Variants in PIK3C2G observed in about 807,000 individuals in gnomAD.
PIK3C2G encodes the protein phosphatidylinositol-4-phosphate 3-kinase catalytic subunit type 2 gamma, also known as phosphatidylinositol 3-kinase C2 domain-containing subunit gamma.
In PIK3C2G, 168 loss-of-function variants were observed where a neutral mutation model predicts 181.1. That is an observed-to-expected ratio of 0.93 (90% CI 0.82 to 1.05). The LOEUF (loss-of-function observed/expected upper bound fraction) is 1.05, where lower values mean the gene tolerates loss of function less well. Ranked by LOEUF, PIK3C2G falls within the 50% of genes least tolerant of loss-of-function variation. The pLI is 0.00. For synonymous variants in PIK3C2G, 573 were observed against 592.2 expected, an observed-to-expected ratio of 0.97 and a Z score of 0.47; for missense variants, 1,869 against 1,732.8, an observed-to-expected ratio of 1.08 and a Z score of -1.40.
chr12:18,265,009 T>A (rs1948421759), intron 1 of PIK3C2G, among the ~76,000 whole-genome samples: 1 of 152,248 alleles, frequency 6.6e-6, no homozygotes. Flanking sequence ...GTCTTCATGA[T>A]AACATTCTCT....
Position 18,362,825 on chromosome 12 carries a change from A to T in PIK3C2G, c.1687A>T (p.Arg563Ter). ...TYAGKKLCQV[R>*]NYRNIPDKKL... is the part of the protein sequence containing the mutation. Reference sequence around the variant, plus strand: ...TGCTGGAAAGAAGCTGTGCCAAGTGAGAAACTACAGAAATATTCCAGACAA... The same window carrying T: ...TGCTGGAAAGAAGCTGTGCCAAGTGTGAAACTACAGAAATATTCCAGACAA... The change falls in exon 12 of 33, where the codon AGA (arginine) becomes TGA (stop). Residue 563 changes from arginine to a stop codon, truncating the protein, a stop_gained. Coordinates refer to ENST00000538779, the MANE Select transcript of PIK3C2G (RefSeq NM_001288772.2). LOFTEE classifies it high-confidence loss of function. The T allele has an allele frequency of 6.6e-7, 1 of 1,521,282 alleles. No homozygotes were observed. The highest frequency in any genetic ancestry group is 8.8e-7 in the Non-Finnish European group (1 of 1,138,348). 94.2% of individuals were successfully genotyped at this position (1,521,282 alleles called of 1,614,324 possible). A position where few individuals can be genotyped will look rare whatever the true frequency, so the allele number is the denominator to read the frequency against.
At chr12:18,243,225 T>C (rs1270610174), upstream of PIK3C2G, among the ~76,000 whole-genome samples, 3 of 150,880 alleles carry the variant, frequency 2.0e-5, no homozygotes, top group Non-Finnish European at 3.0e-5. Context: ...TGTGTGTGTG[T>C]ATTTTAATTT....
chr12:18,636,007 T>A (rs1432258487), intron 31 of PIK3C2G, among the ~76,000 whole-genome samples: 1 of 152,166 alleles, frequency 6.6e-6, no homozygotes, highest in Non-Finnish European at 1.5e-5. Context: ...CCTTTGAAGT[T>A]TAGTCAGCTT....
At chr12:18,553,648 G>A (rs1038047999) in intron 26 of PIK3C2G, among the ~76,000 whole-genome samples, 1 of 151,978 alleles carries the variant, frequency 6.6e-6, no homozygotes, top group Non-Finnish European at 1.5e-5. Flanking sequence ...TATCTAAACT[G>A]TAAAGCAGGA....
chr12:18,485,055 G>A (rs1254549210), intron 18 of PIK3C2G, among the ~76,000 whole-genome samples: 2 of 152,158 alleles, frequency 1.3e-5, no homozygotes, highest in African/African-American at 4.8e-5. Context: ...GTTACTGGAT[G>A]TTGTTTCCTC....
chr12:18,605,133 A>G (rs374478728), intron 30 of PIK3C2G, among the ~76,000 whole-genome samples: 1 of 152,152 alleles, frequency 6.6e-6, no homozygotes, highest in African/African-American at 2.4e-5. Context: ...AAATTGATAG[A>G]CCATTAGCAA....
rs988577252 is a variant in PIK3C2G at position 18,371,526 on chromosome 12, G to T, written c.1880+215G>T. Reference sequence around the variant, plus strand: ...GGACTCATGCTGAACTTGTCAGCTGGATCATTTATAATGAAAAGGTATTGG... The same window carrying T: ...GGACTCATGCTGAACTTGTCAGCTGTATCATTTATAATGAAAAGGTATTGG... On this transcript the variant is annotated intron_variant, in intron 13 of 32. Coordinates refer to ENST00000538779, the MANE Select transcript of PIK3C2G (RefSeq NM_001288772.2). Among the ~76,000 whole-genome samples, 5 of 152,224 alleles carry T rather than the reference G, an allele frequency of 3.3e-5. No individual in the cohort carries two copies. In the East Asian group the frequency reaches 9.6e-4, roughly 29 times the overall value.
intron 18 of PIK3C2G, among the ~76,000 whole-genome samples, chr12:18,429,944 T>C (rs576290661): frequency 1.3e-5 from 2 of 152,294 alleles, no homozygotes; most frequent in South Asian, 4.1e-4. Context: ...GGAAAATCTC[T>C]AAGATATAAT....
chr12:18,342,331 T>C (rs1939218467), intron 9 of PIK3C2G, among the ~76,000 whole-genome samples: 1 of 152,066 alleles, frequency 6.6e-6, no homozygotes, highest in Admixed American at 6.6e-5. Flanking sequence ...AAGTTGCATA[T>C]AAATGTAATG....
In PIK3C2G at chr12:18,282,733, G is replaced by C. The variant is rs747730521; in HGVS notation, c.652G>C (p.Glu218Gln). The change falls in exon 2 of 33, where the codon GAA becomes CAA. Residue 218 changes from glutamate to glutamine, a missense_variant. Glu to Gln is a conservative substitution (Grantham distance 29). Coordinates refer to ENST00000538779, the MANE Select transcript of PIK3C2G (RefSeq NM_001288772.2). Reference protein sequence around the residue: ...LKGSLQPGMWESTWQKNIESI... With the variant: ...LKGSLQPGMWQSTWQKNIESI... ...AGGCTCTCTTCAACCCGGAATGTGG[G>C]AAAGTACATGGCAGAAGAATATAGA... is the stretch of plus-strand genomic sequence containing the variant. The C allele has an allele frequency of 6.0e-5, 96 of 1,608,942 alleles. No homozygotes were observed. The highest frequency in any genetic ancestry group is 8.1e-5 in the Non-Finnish European group (95 of 1,177,712).
At chr12:18,607,216 G>T (rs1395356670) in intron 30 of PIK3C2G, 3 of 512,440 alleles carry the variant, frequency 5.9e-6, no homozygotes, top group South Asian at 4.3e-5. Flanking sequence ...TTAACAAAAT[G>T]ATTTTAATTG....
chr12:18,469,058 T>C (rs1224801785), intron 18 of PIK3C2G, among the ~76,000 whole-genome samples: 1 of 152,114 alleles, frequency 6.6e-6, no homozygotes, highest in Non-Finnish European at 1.5e-5. Flanking sequence ...TCTCTAGAAA[T>C]TATTACACAC....
chr12:18,333,922 C>T (rs1483677138), intron 8 of PIK3C2G, among the ~76,000 whole-genome samples: 1 of 152,048 alleles, frequency 6.6e-6, no homozygotes, highest in South Asian at 2.1e-4. Flanking sequence ...CCACTTATGC[C>T]GTTTTGTTTG....
At chr12:18,699,770 T>C in the PIK3C2G span, 1 of 1,600,328 alleles carries the variant, frequency 6.2e-7, no homozygotes, top group Non-Finnish European at 8.6e-7. Flanking sequence ...AAACATTTCA[T>C]CTATTTGAGT....
At chr12:18,550,560 GT>G (rs1944675889) in intron 26 of PIK3C2G, among the ~76,000 whole-genome samples, 1 of 151,876 alleles carries the variant, frequency 6.6e-6, no homozygotes, top group African/African-American at 2.4e-5. Flanking sequence ...TCCATCATTG[GT>G]GTCTTCGTGC....
intron 29 of PIK3C2G, among the ~76,000 whole-genome samples, chr12:18,576,680 G>A (rs7956978): frequency 0.068 from 10,419 of 152,208 alleles, 721 homozygotes; most frequent in African/African-American, 0.18. Context: ...GTCTCAGTCA[G>A]TGGAGAATGA....
At chr12:18,352,376 T>C (rs373165691) in intron 11 of PIK3C2G, among the ~76,000 whole-genome samples, 2 of 152,188 alleles carry the variant, frequency 1.3e-5, no homozygotes, top group East Asian at 1.9e-4. Flanking sequence ...GGTTGGCTTG[T>C]TTAGTCAGCC....
chr12:18,329,098 A>G (rs1421914820), intron 8 of PIK3C2G, among the ~76,000 whole-genome samples: 15 of 151,968 alleles, frequency 9.9e-5, no homozygotes, highest in Admixed American at 9.8e-4. Flanking sequence ...GCTATCATGT[A>G]TAGAACACTC....
chr12:18,684,542 CTG>C, the PIK3C2G span, among the ~76,000 whole-genome samples: 2 of 151,928 alleles, frequency 1.3e-5, no homozygotes, highest in Admixed American at 6.6e-5. Context: ...GATGGGAAAA[CTG>C]AGCCACAAAG....
Sources: gnomAD v4.1 joint callset for allele counts (sites outside exome capture counted in the v4.1 genomes callset) on GRCh38, gnomAD v4.1.1 for gene constraint, MANE v1.5 for transcripts, NCBI Gene and HGNC (gene_info 2026-07-23, HGNC 2026-07-21) for gene names.